PEBP4: variants seen among roughly 807,000 people sequenced by gnomAD.
PEBP4 encodes the protein phosphatidylethanolamine binding protein 4, also known as phosphatidylethanolamine-binding protein 4.
In PEBP4, 22 loss-of-function variants were observed where a neutral mutation model predicts 23.9. The ratio of observed to expected loss-of-function variants is 0.92; its 90% CI spans 0.66 to 1.31. The LOEUF is 1.31. PEBP4 is among the 40% of genes most tolerant of loss of function. The pLI is 0.00. For synonymous variants in PEBP4, 112 were observed against 99.3 expected (o/e 1.13, Z -0.76); for missense variants, 324 against 281.7 (o/e 1.15, Z -1.07).
At chr8:22,755,309 T>C (rs969903007) in intron 4 of PEBP4, among the ~76,000 whole-genome samples, 9 of 150,640 alleles carry the variant, frequency 6.0e-5, no homozygotes, top group Non-Finnish European at 1.2e-4. Flanking sequence ...CAAAATCGTA[T>C]ACTCATTTCT....
chr8:22,822,569 G>A (rs950405383), intron 3 of PEBP4, among the ~76,000 whole-genome samples: 64 of 151,544 alleles, frequency 4.2e-4, no homozygotes, highest in African/African-American at 1.5e-3. Flanking sequence ...TGACATGATT[G>A]TCTACATGAG....
At chr8:22,722,711 A>G (rs1315154239) in intron 6 of PEBP4, among the ~76,000 whole-genome samples, 1 of 152,140 alleles carries the variant, frequency 6.6e-6, no homozygotes, top group East Asian at 1.9e-4. Flanking sequence ...CGCTGGGCAC[A>G]TGGAAGGCAT....
chr8:22,805,767 G>A (rs948637342), intron 4 of PEBP4, among the ~76,000 whole-genome samples: 11 of 151,174 alleles, frequency 7.3e-5, no homozygotes, highest in African/African-American at 2.4e-4. Flanking sequence ...AATGTAAAAT[G>A]CTTTAAAAAA....
intron 4 of PEBP4, among the ~76,000 whole-genome samples, chr8:22,761,226 G>A (rs1201692702): frequency 6.6e-6 from 1 of 152,170 alleles, no homozygotes; most frequent in Non-Finnish European, 1.5e-5. Flanking sequence ...CCGGGGAACT[G>A]TGGGGTGGGG....
intron 4 of PEBP4, among the ~76,000 whole-genome samples, chr8:22,788,050 C>T (rs1356202260): frequency 6.6e-6 from 1 of 151,824 alleles, no homozygotes; most frequent in African/African-American, 2.4e-5. Context: ...CTGGAGGCTT[C>T]AGGGATGCAC....
At chr8:22,834,869 A>T (rs1187159889) in intron 3 of PEBP4, among the ~76,000 whole-genome samples, 5 of 152,162 alleles carry the variant, frequency 3.3e-5, no homozygotes, top group Non-Finnish European at 7.3e-5. Context: ...AAGCAAAAAG[A>T]TGGAAAGAGC....
chr8:22,813,820 G>C (rs1252174954), intron 4 of PEBP4, among the ~76,000 whole-genome samples: 1 of 152,172 alleles, frequency 6.6e-6, no homozygotes. Context: ...GCCAGGTTCG[G>C]AGACTGGAGC....
chr8:22,721,272 GT>G (rs1200035080), intron 6 of PEBP4, among the ~76,000 whole-genome samples: 4 of 152,280 alleles, frequency 2.6e-5, no homozygotes, highest in Non-Finnish European at 5.9e-5. Context: ...GTCTAACCCT[GT>G]ATCTTGATGA....
intron 4 of PEBP4, among the ~76,000 whole-genome samples, chr8:22,812,381 G>C (rs766659521): frequency 6.6e-6 from 1 of 152,176 alleles, no homozygotes; most frequent in Non-Finnish European, 1.5e-5. Flanking sequence ...CAAAGTCCGA[G>C]CTCTTTCCCT....
At position 22,795,107 on chromosome 8, in the gene PEBP4, TA is replaced by T. The variant is rs1256441271; in HGVS notation, c.357+22529del. 4.5e-4 allele frequency among the ~76,000 whole-genome samples: 40 copies of T among 88,818 alleles called. No individual in the cohort carries two copies. The South Asian group carries it at 0.018, about 41-fold the overall frequency. 58.3% of individuals were successfully genotyped at this position (88,818 alleles called of 152,430 possible). The stretch of plus-strand genomic sequence containing the variant: ...CTCTCACCAGTGCCTACTTTTAAAT[TA>T]TTTTATATATATGTGTGTATATATA... On this transcript the variant is annotated intron_variant, in intron 4 of 6. Coordinates refer to ENST00000256404, the MANE Select transcript of PEBP4 (RefSeq NM_144962.3).
chr8:22,791,117 C>T lies in PEBP4; in HGVS notation c.357+26520G>A, dbSNP rs759091611. 1.2e-4 allele frequency among the ~76,000 whole-genome samples: 19 copies of T among 152,116 alleles called. 1 individual carries two copies. The highest frequency in any genetic ancestry group is 9.8e-4 in the Admixed American group (15 of 15,280). The stretch of plus-strand genomic sequence containing the variant: ...ATTGCCCTAAAGGGCTGCCTCTTCA[C>T]GCAGGCAACCAACCTCCCCACCCCA... On this transcript the variant is annotated intron_variant, in intron 4 of 6. Transcript: ENST00000256404.
At chr8:22,929,640 G>T (rs538033276), upstream of PEBP4, among the ~76,000 whole-genome samples, 23 of 152,342 alleles carry the variant, frequency 1.5e-4, no homozygotes, top group African/African-American at 4.8e-4. Flanking sequence ...TGGTCACCAA[G>T]AAGTGGCAGA....
chr8:22,781,605 C>T (rs1805916685), intron 4 of PEBP4, among the ~76,000 whole-genome samples: 1 of 152,094 alleles, frequency 6.6e-6, no homozygotes, highest in Non-Finnish European at 1.5e-5. Context: ...GGTAGGAGTT[C>T]CCTCCCCCTG....
intron 1 of PEBP4, among the ~76,000 whole-genome samples, chr8:22,939,283 G>T (rs55827492): frequency 0.11 from 16,753 of 152,002 alleles, 1,205 homozygotes; most frequent in Non-Finnish European, 0.16. Flanking sequence ...AGGTGGAGAG[G>T]ATATGAAGAC....
chr8:22,871,704 G>A (rs1808010965), intron 3 of PEBP4, among the ~76,000 whole-genome samples: 1 of 151,962 alleles, frequency 6.6e-6, no homozygotes, highest in Admixed American at 6.5e-5. Flanking sequence ...ACAGGCACGT[G>A]CCACCATGCC....
At chr8:22,933,684 G>A (rs988757214) in intron 1 of PEBP4, among the ~76,000 whole-genome samples, 1 of 152,170 alleles carries the variant, frequency 6.6e-6, no homozygotes, top group Non-Finnish European at 1.5e-5. Context: ...TAGATCTTCA[G>A]GTTGAAATGA....
At chr8:22,741,975 G>C (rs1173090791) in intron 4 of PEBP4, among the ~76,000 whole-genome samples, 1 of 152,210 alleles carries the variant, frequency 6.6e-6, no homozygotes, top group Non-Finnish European at 1.5e-5. Context: ...TCAAGGGACA[G>C]CTGCTGGCTC....
rs1412695337 is a variant in PEBP4 at position 22,763,767 on chromosome 8, C to T, written c.358-36547G>A. Among the ~76,000 whole-genome samples the T allele has an allele frequency of 3.3e-5, 5 of 152,328 alleles. No individual in the cohort carries two copies. The East Asian group carries it at 9.6e-4, about 29-fold the overall frequency. On this transcript the variant is annotated intron_variant, in intron 4 of 6. Transcript: ENST00000256404. ...CTACCATGAAAGAACTATCTCACCTCCAAGAACTACCATGGTTGTAGTTCT... is the reference window on the plus strand; with the variant it reads ...CTACCATGAAAGAACTATCTCACCTTCAAGAACTACCATGGTTGTAGTTCT...
In PEBP4 at chr8:22,775,453, G is replaced by A. The variant is rs554984200; in HGVS notation, c.357+42184C>T. On this transcript the variant is annotated intron_variant, in intron 4 of 6. Coordinates refer to ENST00000256404, the MANE Select transcript of PEBP4 (RefSeq NM_144962.3). The surrounding 1 kb of genome is among the most constrained non-coding windows in gnomAD (Gnocchi z 4.8). ...AACCATGCCGGGAGGGGTGCGCAGG[G>A]GCCCGTGGGTGGTGTTCACGTATGG... is the stretch of plus-strand genomic sequence containing the variant. 1.3e-5 allele frequency among the ~76,000 whole-genome samples: 2 copies of A among 152,294 alleles called. No homozygotes were observed. The highest frequency in any genetic ancestry group is 2.9e-5 in the Non-Finnish European group (2 of 68,026).
Sources: gnomAD v4.1 joint callset for allele counts (sites outside exome capture counted in the v4.1 genomes callset) on GRCh38, gnomAD v4.1.1 for gene constraint, Gnocchi (gnomAD v3.1) non-coding constraint, MANE v1.5 for transcripts, NCBI Gene and HGNC (gene_info 2026-07-23, HGNC 2026-07-21) for gene names.